The following HIRA variants were observed in gnomAD, a reference collection of about 807,000 sequenced individuals.
The protein encoded by HIRA is histone cell cycle regulator, also known as protein HIRA.
In HIRA, 13 loss-of-function variants were observed where a neutral mutation model predicts 126.6. That is an observed-to-expected ratio of 0.10 (90% CI 0.07 to 0.16). The LOEUF (loss-of-function observed/expected upper bound fraction) is 0.16, where lower values mean the gene tolerates loss of function less well. Ranked by LOEUF, HIRA falls within the 10% of genes least tolerant of loss-of-function variation. The pLI is 1.00. For synonymous variants in HIRA, 511 were observed against 520.0 expected (o/e 0.98, Z 0.24); for missense variants, 834 against 1,314.4 (o/e 0.63, Z 5.65).
At chr22:19,370,185 TC>T (rs1411539636) in intron 15 of HIRA, among the ~76,000 whole-genome samples, 2 of 152,152 alleles carry the variant, frequency 1.3e-5, no homozygotes, top group Non-Finnish European at 2.9e-5. Context: ...ACTCCTAACC[TC>T]AGGTGATCTG....
At chr22:19,405,662 G>A in intron 5 of HIRA, 124 bp downstream of exon 5, 2 of 861,556 alleles carry the variant, frequency 2.3e-6, no homozygotes, top group Non-Finnish European at 3.2e-6. Context: ...GATTGTGATG[G>A]GGTGGGACAG....
chr22:19,370,611 G>C (rs563918138), intron 15 of HIRA, among the ~76,000 whole-genome samples: 1 of 152,312 alleles, frequency 6.6e-6, no homozygotes, highest in South Asian at 2.1e-4. Flanking sequence ...CAAGAAAACA[G>C]CCACATCAAG....
At chr22:19,347,588 C>G (rs918126922) in intron 24 of HIRA, among the ~76,000 whole-genome samples, 9 of 152,148 alleles carry the variant, frequency 5.9e-5, no homozygotes, top group East Asian at 1.9e-4. Flanking sequence ...AAGAGGGATG[C>G]CTTTGCTTTG....
At position 19,337,104 on chromosome 22, in the gene HIRA, C is replaced by CT. The variant is rs1157049673; in HGVS notation, c.2938-5549dup. ...CAGAACTTTTTGGCTTTTTCTTTTT[C>CT]TTTTTTTTTTGAGACAGGGTCTCGC... On this transcript the variant is annotated intron_variant, in intron 24 of 24. Coordinates refer to ENST00000263208, the MANE Select transcript of HIRA (RefSeq NM_003325.4). 3.8e-3 allele frequency among the ~76,000 whole-genome samples: 559 copies of CT among 148,468 alleles called. 3 individuals are homozygous for CT. Among genetic ancestry groups the CT allele is most frequent in the African/African-American group, 0.012 (484 of 40,678 alleles).
chr22:19,427,358 A>G (rs991465463), intron 1 of HIRA, among the ~76,000 whole-genome samples: 4 of 152,212 alleles, frequency 2.6e-5, no homozygotes, highest in African/African-American at 9.6e-5. Flanking sequence ...ATTCTCAGAC[A>G]TAGGTCTGCA....
chr22:19,330,910 T>C lies in HIRA; in HGVS notation c.*530A>G, dbSNP rs2088476871. ...ACAAGTGACCAATGTCCAAGTGACT[T>C]ATAGGGAAATCCTGATTATCGGCCA... On this transcript the variant is annotated 3_prime_UTR_variant, in exon 25 of 25. Coordinates refer to ENST00000263208, the MANE Select transcript of HIRA (RefSeq NM_003325.4). 4.7e-6 allele frequency: 1 copy of C among 213,978 alleles called. No individual in the cohort carries two copies. The highest frequency in any genetic ancestry group is 2.3e-5 in the African/African-American group (1 of 43,794). The allele number at this position is 213,978 out of a possible 1,614,324, so 13.3% of individuals were successfully genotyped here.
At chr22:19,344,998 C>T (rs547420146) in intron 24 of HIRA, among the ~76,000 whole-genome samples, 7 of 152,044 alleles carry the variant, frequency 4.6e-5, no homozygotes, top group Non-Finnish European at 7.4e-5. Context: ...TAGTAAAGAC[C>T]ATAAATAAAA....
chr22:19,395,114 T>C (rs2089212426), intron 7 of HIRA, among the ~76,000 whole-genome samples: 1 of 152,146 alleles, frequency 6.6e-6, no homozygotes, highest in African/African-American at 2.4e-5. Flanking sequence ...TCCCCCAGTC[T>C]GGACTGGGGG....
chr22:19,376,516 G>A (rs1441974839), intron 14 of HIRA, among the ~76,000 whole-genome samples: 1 of 152,176 alleles, frequency 6.6e-6, no homozygotes, highest in Non-Finnish European at 1.5e-5. Context: ...ACCCTGGACA[G>A]CCCCATTCTT....
rs116966019 is a variant in HIRA, at chr22:19,344,237, C to T, written c.2937+7121G>A. On this transcript the variant is annotated intron_variant, in intron 24 of 24. Transcript: ENST00000263208. Reference sequence around the variant, plus strand: ...TAATCAATGAAACCAAAAGTTGATTCTTTGAAAAGATGAACAAAATTGACA... The same window carrying T: ...TAATCAATGAAACCAAAAGTTGATTTTTTGAAAAGATGAACAAAATTGACA... 3.4e-3 allele frequency among the ~76,000 whole-genome samples: 514 copies of T among 152,046 alleles called. 20 individuals carry two copies. The East Asian group carries it at 0.069, about 20-fold the overall frequency.
At chr22:19,429,131 A>ATT (rs2089510397) in intron 1 of HIRA, among the ~76,000 whole-genome samples, 1 of 119,504 alleles carries the variant, frequency 8.4e-6, no homozygotes, top group African/African-American at 3.0e-5. Context: ...GAGTTGCCAT[A>ATT]TCTTTTTTTT....
intron 15 of HIRA, among the ~76,000 whole-genome samples, chr22:19,373,891 T>G (rs2088990900): frequency 1.1e-5 from 1 of 91,334 alleles, no homozygotes; most frequent in Non-Finnish European, 3.0e-5. Flanking sequence ...TCAAGACCCC[T>G]AGCCTTGCAC....
At chr22:19,344,646 G>A (rs1219242001) in intron 24 of HIRA, among the ~76,000 whole-genome samples, 3 of 152,102 alleles carry the variant, frequency 2.0e-5, no homozygotes, top group Admixed American at 6.5e-5. Flanking sequence ...TATGAGGACA[G>A]CATTACCCTG....
chr22:19,361,395 T>G, intron 16 of HIRA, 54 bp from the exon 17 acceptor site: 1 of 1,498,794 alleles, frequency 6.7e-7, no homozygotes, highest in Non-Finnish European at 9.3e-7. Context: ...GGGGTAGCAT[T>G]TGGTAAAGGC....
At chr22:19,340,795 G>A (rs949676706) in intron 24 of HIRA, among the ~76,000 whole-genome samples, 13 of 152,074 alleles carry the variant, frequency 8.5e-5, no homozygotes, top group Admixed American at 3.9e-4. Flanking sequence ...AAAATACTTC[G>A]GAATATACCT....
At chr22:19,384,179 G>T (rs1298936040) in intron 12 of HIRA, among the ~76,000 whole-genome samples, 1 of 151,868 alleles carries the variant, frequency 6.6e-6, no homozygotes, top group South Asian at 2.1e-4. Flanking sequence ...TTAGCTGGGC[G>T]TGGTGGTGTG....
rs780113555 is a variant in HIRA at position 19,375,658 on chromosome 22, G to A, written c.1748C>T (p.Thr583Ile). Residue 583 changes from threonine to isoleucine, a missense_variant, in exon 15 of 25, where the codon ACC (threonine) becomes ATC (isoleucine). By Grantham distance (89) the Thr-to-Ile change is moderately conservative. Coordinates refer to ENST00000263208, the MANE Select transcript of HIRA (RefSeq NM_003325.4). ...SKATPGAPAL[T>I]SMTPTAVERL... Reference sequence around the variant, plus strand: ...TTCCACAGCTGTCGGAGTCATGCTGGTCAGGGCAGGAGCACCTGGTGTGGC... The same window carrying A: ...TTCCACAGCTGTCGGAGTCATGCTGATCAGGGCAGGAGCACCTGGTGTGGC... The A allele has an allele frequency of 1.7e-5, 28 of 1,614,038 alleles. No homozygotes were observed. In the Admixed American group the frequency reaches 4.5e-4, roughly 26 times the overall value.
At chr22:19,382,158 G>C (rs559056353) in intron 13 of HIRA, among the ~76,000 whole-genome samples, 1 of 152,298 alleles carries the variant, frequency 6.6e-6, no homozygotes, top group East Asian at 1.9e-4. Context: ...TAGAACGTGG[G>C]AATCAGGAGG....
At chr22:19,396,654 T>C in intron 7 of HIRA, 133 bp downstream of exon 7, 1 of 814,318 alleles carries the variant, frequency 1.2e-6, no homozygotes, top group Non-Finnish European at 2.0e-6. Context: ...CCTTGGTGAA[T>C]CCGCTCAGGC....
Sources: allele counts gnomAD v4.1 joint callset (sites outside exome capture counted in the v4.1 genomes callset), GRCh38; gene constraint gnomAD v4.1.1; transcripts MANE v1.5; gene names NCBI Gene and HGNC (gene_info 2026-07-23, HGNC 2026-07-21).